The following ANO2 variants were observed in gnomAD, a reference collection of about 807,000 sequenced individuals.
ANO2 encodes the protein anoctamin 2.
In ANO2, 101 loss-of-function variants were observed where a neutral mutation model predicts 124.2. The observed-to-expected ratio is 0.81, with a 90% confidence interval of 0.69 to 0.96. The LOEUF (loss-of-function observed/expected upper bound fraction) is 0.96, where lower values mean the gene tolerates loss of function less well. Among genes scored for constraint, ANO2 ranks in the 40% least tolerant of loss-of-function variants. The pLI, the probability that ANO2 is intolerant of heterozygous loss-of-function variation, is 0.00. For missense variants in ANO2, 1,293 were observed against 1,274.5 expected, an observed-to-expected ratio of 1.01 and a Z score of -0.22; for synonymous variants, 486 against 482.5, an observed-to-expected ratio of 1.01 and a Z score of -0.09.
At chr12:5,693,722 C>A (rs1438082992) in intron 14 of ANO2, among the ~76,000 whole-genome samples, 3 of 152,198 alleles carry the variant, frequency 2.0e-5, no homozygotes, top group Non-Finnish European at 4.4e-5. Flanking sequence ...GCTGGTCCGG[C>A]CACACTGACC....
intron 1 of ANO2, among the ~76,000 whole-genome samples, chr12:5,943,277 TTGTGTGTGTGTGTGTGTGTGTGTG>T (rs138167836): frequency 6.7e-6 from 1 of 148,368 alleles, no homozygotes; most frequent in Non-Finnish European, 1.5e-5. Context: ...GAGTGTGTGT[TTGTGTGTGTGTGTGTGTGTGTGTG>T]TGTGTGTGTG....
chr12:5,851,103 TG>T (rs1954880796), intron 4 of ANO2, among the ~76,000 whole-genome samples: 1 of 152,118 alleles, frequency 6.6e-6, no homozygotes, highest in African/African-American at 2.4e-5. Flanking sequence ...AAATGCAAAG[TG>T]GGGAGAGAAA....
At chr12:5,680,663 A>G (rs1948452078) in intron 14 of ANO2, among the ~76,000 whole-genome samples, 1 of 152,204 alleles carries the variant, frequency 6.6e-6, no homozygotes, top group Non-Finnish European at 1.5e-5. Flanking sequence ...AAGTATTCAA[A>G]CAGACACTAA....
Position 5,583,417 on chromosome 12 carries a change from G to T in ANO2, c.2234-4899C>A, listed in dbSNP as rs966966862. Among the ~76,000 whole-genome samples, 7 of 152,080 alleles carry T rather than the reference G, an allele frequency of 4.6e-5. No homozygotes were observed. The South Asian group carries it at 8.3e-4, about 18-fold the overall frequency. On this transcript the variant is annotated intron_variant, in intron 20 of 24. Coordinates refer to ENST00000682330, the MANE Select transcript of ANO2 (RefSeq NM_001364791.2). ...GCCTGTAATCCCAGCACTTTGGGAG[G>T]CCGAGGCGGGCGGATCACAAGGTCA...
At chr12:5,639,986 G>T (rs754089370) in intron 15 of ANO2, among the ~76,000 whole-genome samples, 13 of 152,152 alleles carry the variant, frequency 8.5e-5, no homozygotes, top group Non-Finnish European at 1.5e-4. Context: ...TAGCTCTAGA[G>T]GAGGGACATC....
chr12:5,699,719 G>A (rs1453908906), intron 14 of ANO2, among the ~76,000 whole-genome samples: 5 of 152,100 alleles, frequency 3.3e-5, no homozygotes. Flanking sequence ...GACACACCTA[G>A]GCTCAAAATA....
chr12:5,879,875 T>C (rs7972354), intron 3 of ANO2, among the ~76,000 whole-genome samples: 70,354 of 151,980 alleles, frequency 0.46, 16,524 homozygotes, highest in South Asian at 0.59. Flanking sequence ...TTAGAAGCCA[T>C]TGAAAGATTT....
At position 5,663,246 on chromosome 12, in the gene ANO2, G is replaced by A. The variant is rs186203608; in HGVS notation, c.1546-15445C>T. On this transcript the variant is annotated intron_variant, in intron 14 of 24. Coordinates refer to ENST00000682330, the MANE Select transcript of ANO2 (RefSeq NM_001364791.2). ...AGAAGCAAGTCTGTGTCCTTGGCAC[G>A]AGGGGCTTCAGCTGGGCATGGGCCT... is the stretch of plus-strand genomic sequence containing the variant. Among the ~76,000 whole-genome samples, 16 of 152,348 alleles carry A rather than the reference G, an allele frequency of 1.1e-4. No homozygotes were observed. In the East Asian group the frequency reaches 1.4e-3, roughly 13 times the overall value.
chr12:5,945,352 C>T (rs562421506), upstream of ANO2: 5 of 909,290 alleles, frequency 5.5e-6, no homozygotes, highest in African/African-American at 1.8e-5. Flanking sequence ...TCCTCCTCCC[C>T]CATCCCTCCC....
chr12:5,612,839 C>T, intron 18 of ANO2, 62 bp downstream of exon 18: 1 of 1,609,958 alleles, frequency 6.2e-7, no homozygotes, highest in Non-Finnish European at 8.5e-7. Context: ...CCATGCTGTG[C>T]TGGAGATAAG....
intron 1 of ANO2, among the ~76,000 whole-genome samples, chr12:5,934,837 G>A (rs376186553): frequency 6.6e-5 from 10 of 152,188 alleles, no homozygotes; most frequent in African/African-American, 2.2e-4. Context: ...TTCCTCCTGG[G>A]TGTAACCAAG....
intron 24 of ANO2, among the ~76,000 whole-genome samples, chr12:5,563,824 A>G (rs1005829679): frequency 6.6e-6 from 1 of 152,220 alleles, no homozygotes; most frequent in Non-Finnish European, 1.5e-5. Flanking sequence ...GGCACAGAGC[A>G]GGACTCCATC....
At chr12:5,564,570 T>G (rs1412581752) in intron 24 of ANO2, 1 of 152,344 alleles carries the variant, frequency 6.6e-6, no homozygotes, top group Non-Finnish European at 1.5e-5. Flanking sequence ...GGGGACCAAC[T>G]GCTGCTTCCA....
intron 3 of ANO2, among the ~76,000 whole-genome samples, chr12:5,914,061 A>G (rs556268461): frequency 2.5e-4 from 38 of 152,180 alleles, no homozygotes; most frequent in East Asian, 5.8e-4. Context: ...TTAGCTGGGC[A>G]TGGTGTTGTG....
At position 5,640,783 on chromosome 12, in the gene ANO2, G is replaced by A. The variant is rs375321191; in HGVS notation, c.1621-5436C>T. Among the ~76,000 whole-genome samples the A allele has an allele frequency of 1.6e-3, 251 of 152,266 alleles. 2 individuals are homozygous for A. Among genetic ancestry groups the A allele is most frequent in the African/African-American group, 3.1e-3 (128 of 41,554 alleles). ...ACTTTTACACTGTTGGTGGGAGCGT[G>A]AACTAGTTCAACGATTGTGGAAGAC... On this transcript the variant is annotated intron_variant, in intron 15 of 24. Coordinates refer to ENST00000682330, the MANE Select transcript of ANO2 (RefSeq NM_001364791.2).
At chr12:5,706,735 C>CT (rs1310470425) in intron 14 of ANO2, among the ~76,000 whole-genome samples, 3 of 152,228 alleles carry the variant, frequency 2.0e-5, no homozygotes, top group Admixed American at 6.5e-5. Flanking sequence ...TTGCTCACTG[C>CT]TATAACCCCA....
intron 3 of ANO2, among the ~76,000 whole-genome samples, chr12:5,861,713 C>G (rs947669131): frequency 3.9e-5 from 6 of 152,126 alleles, no homozygotes; most frequent in Non-Finnish European, 8.8e-5. Context: ...GGGGATGAGC[C>G]TGTCGATGAT....
chr12:5,766,184 C>T (rs1951883250), intron 10 of ANO2, among the ~76,000 whole-genome samples: 1 of 152,184 alleles, frequency 6.6e-6, no homozygotes, highest in Non-Finnish European at 1.5e-5. Flanking sequence ...CGGTATGACC[C>T]AGCAACTCTA....
At chr12:5,878,432 C>T (rs1161230364) in intron 3 of ANO2, among the ~76,000 whole-genome samples, 1 of 152,230 alleles carries the variant, frequency 6.6e-6, no homozygotes, top group African/African-American at 2.4e-5. Context: ...CTGTCCCCCA[C>T]TGTGTTACCA....
Sources: allele counts gnomAD v4.1 joint callset (sites outside exome capture counted in the v4.1 genomes callset), GRCh38; gene constraint gnomAD v4.1.1; transcripts MANE v1.5; gene names NCBI Gene and HGNC (gene_info 2026-07-23, HGNC 2026-07-21).